Variants in STIM1 observed in about 807,000 individuals in gnomAD.
The protein encoded by STIM1 is stromal interaction molecule 1.
Under a neutral mutation model 74.7 loss-of-function variants are expected in STIM1, and 25 were observed. The ratio of observed to expected loss-of-function variants is 0.33; its 90% CI spans 0.24 to 0.47. The LOEUF (loss-of-function observed/expected upper bound fraction) is 0.47. STIM1 is among the 20% of genes least tolerant of loss of function. STIM1 has a pLI of 1.00. For missense variants in STIM1, 728 were observed against 920.8 expected, an observed-to-expected ratio of 0.79 and a Z score of 2.71; for synonymous variants, 328 against 348.8, an observed-to-expected ratio of 0.94 and a Z score of 0.66.
Position 3,976,153 on chromosome 11 carries a change from T to G in STIM1, c.270+8471T>G, listed in dbSNP as rs563295771. Among the ~76,000 whole-genome samples the G allele has an allele frequency of 5.9e-5, 9 of 152,364 alleles. No individual in the cohort carries two copies. In the South Asian group the frequency reaches 1.2e-3, roughly 21 times the overall value. On this transcript the variant is annotated intron_variant, in intron 2 of 12. Transcript: ENST00000526596. ...CAGCAATATAAAGGCATGAATTTTT[T>G]GGATGAACACCTGTGGGGAAAAGCA... is the stretch of plus-strand genomic sequence containing the variant.
intron 1 of STIM1, among the ~76,000 whole-genome samples, chr11:3,941,085 CAAATAT>C (rs1294025095): frequency 6.6e-6 from 1 of 152,056 alleles, no homozygotes; most frequent in Non-Finnish European, 1.5e-5. Context: ...AATGAGGTAA[CAAATAT>C]AAAGTGCTTA....
intron 1 of STIM1, among the ~76,000 whole-genome samples, chr11:3,867,595 G>A (rs2090907262): frequency 6.6e-6 from 1 of 152,190 alleles, no homozygotes; most frequent in African/African-American, 2.4e-5. Flanking sequence ...AAGATTGCTG[G>A]CTTTTTAAAT....
chr11:3,912,190 C>T (rs1326963266), intron 1 of STIM1, among the ~76,000 whole-genome samples: 73 of 105,676 alleles, frequency 6.9e-4, no homozygotes, highest in Non-Finnish European at 1.3e-3. Context: ...TCTCCCCTCC[C>T]CTCCCTTCTC....
At chr11:3,865,695 C>T (rs565359781) in intron 1 of STIM1, among the ~76,000 whole-genome samples, 3 of 152,268 alleles carry the variant, frequency 2.0e-5, no homozygotes, top group African/African-American at 7.2e-5. Flanking sequence ...CAGGTCAGAG[C>T]CTTATGTTGT....
At chr11:3,966,526 C>T (rs1256171206) in intron 1 of STIM1, among the ~76,000 whole-genome samples, 1 of 152,160 alleles carries the variant, frequency 6.6e-6, no homozygotes, top group Admixed American at 6.5e-5. Context: ...ACAGCTTCTT[C>T]TATTGCCTAG....
At chr11:3,979,861 C>T (rs1409477356) in intron 2 of STIM1, among the ~76,000 whole-genome samples, 1 of 152,098 alleles carries the variant, frequency 6.6e-6, no homozygotes, top group Non-Finnish European at 1.5e-5. Context: ...GTTCTCCTTA[C>T]CTGGAATTAA....
intron 1 of STIM1, among the ~76,000 whole-genome samples, chr11:3,870,450 A>C (rs1034822035): frequency 2.6e-5 from 4 of 152,188 alleles, no homozygotes; most frequent in African/African-American, 9.7e-5. Flanking sequence ...TTTTTACCTC[A>C]TGGAGGCATT....
intron 1 of STIM1, among the ~76,000 whole-genome samples, chr11:3,929,494 G>A (rs763907981): frequency 3.3e-5 from 5 of 152,130 alleles, no homozygotes; most frequent in Non-Finnish European, 7.4e-5. Context: ...AGTGCCAAGG[G>A]TAGTACACCT....
chr11:4,040,071 G>C (rs1412724368), intron 3 of STIM1, among the ~76,000 whole-genome samples: 2 of 151,760 alleles, frequency 1.3e-5, no homozygotes, highest in Non-Finnish European at 2.9e-5. Context: ...GCTCAGCCCT[G>C]ATGGTATTTT....
intron 3 of STIM1, among the ~76,000 whole-genome samples, chr11:4,040,393 A>T (rs1367644904): frequency 3.9e-5 from 6 of 152,130 alleles, no homozygotes; most frequent in Admixed American, 3.3e-4. Flanking sequence ...GCTTTCATAT[A>T]TGCTGTTTCC....
At chr11:4,001,893 T>A (rs2093721428) in intron 2 of STIM1, among the ~76,000 whole-genome samples, 1 of 136,068 alleles carries the variant, frequency 7.3e-6, no homozygotes, top group African/African-American at 2.8e-5. Flanking sequence ...TGGAGGAAGA[T>A]CTACCAAGCA....
At chr11:3,892,993 C>T (rs2091945247) in intron 1 of STIM1, 1 of 689,244 alleles carries the variant, frequency 1.5e-6, no homozygotes, top group Non-Finnish European at 2.4e-6. Flanking sequence ...TGGTCTTGAA[C>T]TCCTGAGCTC....
chr11:4,017,700 A>G (rs939420570), intron 2 of STIM1, among the ~76,000 whole-genome samples: 1 of 152,196 alleles, frequency 6.6e-6, no homozygotes, highest in Non-Finnish European at 1.5e-5. Context: ...GGACCAAAGA[A>G]GGGTATATCT....
chr11:4,000,015 G>A (rs533023400), intron 2 of STIM1, among the ~76,000 whole-genome samples: 238 of 151,996 alleles, frequency 1.6e-3, no homozygotes, highest in Non-Finnish European at 2.7e-3. Flanking sequence ...ACTGCAAGGC[G>A]GCAGCGAGGC....
intron 2 of STIM1, among the ~76,000 whole-genome samples, chr11:3,979,135 C>A (rs2093477412): frequency 6.6e-6 from 1 of 151,992 alleles, no homozygotes; most frequent in South Asian, 2.1e-4. Flanking sequence ...TTAATATGGG[C>A]CAAATTAGAT....
chr11:4,062,617 C>T (rs2094338895), intron 5 of STIM1, among the ~76,000 whole-genome samples: 2 of 152,176 alleles, frequency 1.3e-5, no homozygotes, highest in Non-Finnish European at 2.9e-5. Flanking sequence ...GTGAGACCCT[C>T]TCTCAAAACA....
chr11:4,060,092 C>G (rs998139826), intron 5 of STIM1, among the ~76,000 whole-genome samples: 3 of 152,160 alleles, frequency 2.0e-5, no homozygotes, highest in Non-Finnish European at 4.4e-5. Context: ...AGTAGACACA[C>G]TCAGGCCTAA....
chr11:3,971,443 G>A (rs2093393939), intron 2 of STIM1, among the ~76,000 whole-genome samples: 1 of 152,122 alleles, frequency 6.6e-6, no homozygotes. Flanking sequence ...GCAGGAGAAT[G>A]GCGTGAGCCT....
chr11:4,066,686 A>C (rs1402082899), intron 5 of STIM1, among the ~76,000 whole-genome samples: 1 of 152,144 alleles, frequency 6.6e-6, no homozygotes, highest in African/African-American at 2.4e-5. Context: ...TCTCTAAAAA[A>C]GAAAAAAAAA....
Sources: gnomAD v4.1 joint callset for allele counts (sites outside exome capture counted in the v4.1 genomes callset) on GRCh38, gnomAD v4.1.1 for gene constraint, MANE v1.5 for transcripts, NCBI Gene and HGNC (gene_info 2026-07-23, HGNC 2026-07-21) for gene names.